The following NINL variants were observed in gnomAD, a reference collection of about 807,000 sequenced individuals.
NINL encodes the protein ninein like.
In NINL, 153 loss-of-function variants were observed where a neutral mutation model predicts 160.3. That is an observed-to-expected ratio of 0.95 (90% CI 0.84 to 1.09). NINL has a LOEUF of 1.09. NINL is among the 50% of genes least tolerant of loss of function. The pLI is 0.00. For synonymous variants in NINL, 800 were observed against 734.8 expected, an observed-to-expected ratio of 1.09 and a Z score of -1.43; for missense variants, 1,829 against 1,764.0, an observed-to-expected ratio of 1.04 and a Z score of -0.66.
At position 25,498,158 on chromosome 20, in the gene NINL, C is replaced by A. The variant is rs201795969; in HGVS notation, c.1169+52G>T. On this transcript the variant is annotated intron_variant, in intron 9 of 23. Coordinates refer to ENST00000278886, the MANE Select transcript of NINL (RefSeq NM_025176.6). The stretch of plus-strand genomic sequence containing the variant: ...TTTGTGTCCCAGACCCCCCTCCAGG[C>A]CCACCTGGCCAGCCACACTGCCACG... 5.1e-3 allele frequency: 8,151 copies of A among 1,601,752 alleles called. 35 individuals are homozygous for A. The highest frequency in any genetic ancestry group is 6.2e-3 in the Non-Finnish European group (7,324 of 1,175,386).
chr20:25,522,312 C>T (rs779799907), intron 2 of NINL, among the ~76,000 whole-genome samples: 4 of 152,144 alleles, frequency 2.6e-5, no homozygotes, highest in Non-Finnish European at 5.9e-5. Flanking sequence ...AGTAGTCCTC[C>T]TTGAAAGCTT....
chr20:25,565,146 C>T (rs2064986427), intron 1 of NINL, among the ~76,000 whole-genome samples: 1 of 152,122 alleles, frequency 6.6e-6, no homozygotes, highest in African/African-American at 2.4e-5. Context: ...CCCCACTCTT[C>T]GGACAGGTGG....
At position 25,481,750 on chromosome 20, in the gene NINL, C is replaced by T. The variant is rs182512167; in HGVS notation, c.1810+218G>A. 48 of 647,370 alleles carry T rather than the reference C, an allele frequency of 7.4e-5. No homozygotes were observed. In the Admixed American group the frequency reaches 1.1e-3, roughly 14 times the overall value. The allele number at this position is 647,370 out of a possible 1,614,324, so 40.1% of individuals were successfully genotyped here. The stretch of plus-strand genomic sequence containing the variant: ...CAGCCCTGGGGCTGCCCACCTTCAG[C>T]GTCCCTTCCTCCTCCCTCTGCAGGT... On this transcript the variant is annotated intron_variant, in intron 14 of 23. Coordinates refer to ENST00000278886, the MANE Select transcript of NINL (RefSeq NM_025176.6).
chr20:25,560,835 A>G (rs915552758), intron 1 of NINL, among the ~76,000 whole-genome samples: 9 of 152,146 alleles, frequency 5.9e-5, no homozygotes, highest in African/African-American at 2.2e-4. Context: ...CAACAACAAC[A>G]AAGATAGTAA....
rs1466411248 is a variant in NINL at position 25,476,648 on chromosome 20, T to A, written c.2643A>T (p.Gln881His). The A allele has an allele frequency of 1.3e-6, 2 of 1,588,650 alleles. 1 individual carries two copies. Among genetic ancestry groups the A allele is most frequent in the South Asian group, 2.2e-5 (2 of 89,366 alleles). Residue 881 changes from glutamine to histidine, a missense_variant, in exon 17 of 24, where the codon CAA becomes CAT. Transcript: ENST00000278886. ...EAAGAGPRRR[Q>H]AQDTEATQSP... ...TCTGCGTAGCTTCTGTGTCCTGGGC[T>A]TGCCTGCGGCGAGGCCCGGCTCCTG...
intron 1 of NINL, among the ~76,000 whole-genome samples, chr20:25,531,024 G>A (rs1315245819): frequency 1.3e-5 from 2 of 152,110 alleles, no homozygotes; most frequent in East Asian, 3.9e-4. Flanking sequence ...CATCCCTACA[G>A]CTCAGCCACA....
chr20:25,476,504 G>T lies in NINL; in HGVS notation c.2787C>A (p.Ser929Arg). 6.2e-7 allele frequency: 1 copy of T among 1,603,356 alleles called. No homozygotes were observed. ...CTCCAGGCTGCTCCAGCCCCGCTGC[G>T]CTCGCGCCGAAAGGCTCTGGCTCCT... ...VPKEPEPFGA[S>R]AAGLEQPGAR... is the part of the protein sequence containing the mutation. The change falls in exon 17 of 24, where the codon AGC becomes AGA. Residue 929 changes from serine to arginine, a missense_variant. Coordinates refer to ENST00000278886, the MANE Select transcript of NINL (RefSeq NM_025176.6).
chr20:25,532,354 T>C (rs1382963370), intron 1 of NINL, among the ~76,000 whole-genome samples: 1 of 152,210 alleles, frequency 6.6e-6, no homozygotes, highest in Non-Finnish European at 1.5e-5. Flanking sequence ...GAATAAAGCA[T>C]CCACAGGAGG....
chr20:25,498,157 G>A, intron 9 of NINL, 53 bp downstream of exon 9: 1 of 1,601,664 alleles, frequency 6.2e-7, no homozygotes, highest in Non-Finnish European at 8.5e-7. Context: ...CCCCCTCCAG[G>A]CCCACCTGGC....
At chr20:25,498,147 C>T (rs2063795584) in intron 9 of NINL, 63 bp downstream of exon 9, 2 of 1,591,730 alleles carry the variant, frequency 1.3e-6, no homozygotes, top group Non-Finnish European at 1.7e-6. Context: ...TGTCCCAGAC[C>T]CCCCTCCAGG....
rs777300734 is a variant in NINL, at chr20:25,498,357, C to A, written c.1033-11G>T. The A allele has an allele frequency of 1.2e-6, 2 of 1,612,012 alleles. No individual in the cohort carries two copies. The highest frequency in any genetic ancestry group is 1.7e-6 in the Non-Finnish European group (2 of 1,179,934). On this transcript the variant is annotated splice_polypyrimidine_tract_variant and intron_variant, in intron 8 of 23. Transcript: ENST00000278886. ...GCTGAAGTCCAGGCTCTGGAAGCAG[C>A]AAGCCTGGTAAGCAGGAGAGGCTGA...
chr20:25,580,559 T>A lies in NINL; in HGVS notation c.-12+4896A>T, dbSNP rs376853290. Among the ~76,000 whole-genome samples the A allele has an allele frequency of 5.3e-4, 80 of 152,290 alleles. 2 individuals are homozygous for A. The South Asian group carries it at 0.016, about 31-fold the overall frequency. On this transcript the variant is annotated intron_variant, in intron 1 of 23. Transcript: ENST00000278886. ...TGGAGGATGATGGAAGGCTCCATTA[T>A]CTTTCTGAAGTCCAAGGAAAGACAA... is the stretch of plus-strand genomic sequence containing the variant.
intron 8 of NINL, among the ~76,000 whole-genome samples, chr20:25,498,781 G>A (rs533779028): frequency 5.3e-5 from 8 of 152,338 alleles, no homozygotes; most frequent in South Asian, 2.1e-4. Flanking sequence ...CAAGAAGAGC[G>A]TGGAGAGATG....
rs182481533 is a variant in NINL at position 25,509,269 on chromosome 20, T to C, written c.517+1405A>G. Among the ~76,000 whole-genome samples the C allele has an allele frequency of 1.7e-4, 26 of 151,986 alleles. No homozygotes were observed. The East Asian group carries it at 4.9e-3, about 28-fold the overall frequency. On this transcript the variant is annotated intron_variant, in intron 5 of 23. Coordinates refer to ENST00000278886, the MANE Select transcript of NINL (RefSeq NM_025176.6). ...GCCTGCTGCAACCCCTCCGAGACTG[T>C]CCTCAGCTGAGCTCCTCCAGCCCAG...
chr20:25,494,525 G>C (rs1293400092), intron 10 of NINL, among the ~76,000 whole-genome samples: 1 of 152,196 alleles, frequency 6.6e-6, no homozygotes, highest in Admixed American at 6.5e-5. Flanking sequence ...CCCACACCAT[G>C]TAGAGGCACA....
intron 13 of NINL, among the ~76,000 whole-genome samples, 193 bp from the exon 14 acceptor site, chr20:25,482,293 A>G (rs2063407631): frequency 6.6e-6 from 1 of 152,208 alleles, no homozygotes; most frequent in Non-Finnish European, 1.5e-5. Context: ...AAGCCAAAAC[A>G]AAGGTCCTTT....
rs1483627198 is a variant in NINL, at chr20:25,476,167, G to C, written c.3124C>G (p.Pro1042Ala). The stretch of plus-strand genomic sequence containing the variant: ...GCTATTTTGGTCTCCCCCTCTTCTG[G>C]GGCAGCAAGCTGCTCCTGCCAGGAA... ...QGSWQEQLAA[P>A]EEGETKIALE... Residue 1042 changes from proline (P) to alanine (A), a missense_variant, in exon 17 of 24, where the codon CCA (proline) becomes GCA (alanine). Physicochemically the swap from Pro to Ala is conservative, Grantham distance 27. Coordinates refer to ENST00000278886, the MANE Select transcript of NINL (RefSeq NM_025176.6). The C allele has an allele frequency of 1.2e-6, 2 of 1,614,006 alleles. No individual in the cohort carries two copies. The highest frequency in any genetic ancestry group is 1.3e-5 in the African/African-American group (1 of 74,896).
At chr20:25,507,479 C>T (rs1299600635) in intron 5 of NINL, among the ~76,000 whole-genome samples, 1 of 152,166 alleles carries the variant, frequency 6.6e-6, no homozygotes, top group Non-Finnish European at 1.5e-5. Flanking sequence ...TATGTCCAGC[C>T]AGACATGTTC....
intron 9 of NINL, 125 bp from the exon 10 acceptor site, chr20:25,496,928 A>G (rs1196044127): frequency 4.8e-6 from 6 of 1,247,118 alleles, no homozygotes; most frequent in Non-Finnish European, 6.6e-6. Flanking sequence ...TACAGCGGGC[A>G]CTGCTCCACC....
Sources: allele counts gnomAD v4.1 joint callset (sites outside exome capture counted in the v4.1 genomes callset), GRCh38; gene constraint gnomAD v4.1.1; transcripts MANE v1.5; gene names NCBI Gene and HGNC (gene_info 2026-07-23, HGNC 2026-07-21).